NELFB: variants seen among roughly 807,000 people sequenced by gnomAD.
NELFB encodes the protein negative elongation factor complex member B.
NELFB carries 34 observed loss-of-function variants against 60.2 expected under a neutral mutation model. That is an observed-to-expected ratio of 0.56 (90% confidence interval 0.43 to 0.75). The LOEUF (loss-of-function observed/expected upper bound fraction) is 0.75. Ranked by LOEUF, NELFB falls within the 30% of genes least tolerant of loss-of-function variation. The probability of loss-of-function intolerance (pLI) is 0.00; values close to 1 mark genes in which losing one functional copy is unlikely to be tolerated. For synonymous variants in NELFB, 459 were observed against 382.1 expected (o/e 1.20, Z -2.35); for missense variants, 770 against 831.6 (o/e 0.93, Z 0.91).
rs28620856 is a variant in NELFB, at chr9:137,272,529, G to A, written c.1654G>A (p.Ala552Thr). The change falls in exon 12 of 13, where the codon GCG (alanine) becomes ACG (threonine). Residue 552 changes from alanine to threonine, a missense_variant. Physicochemically the swap from Ala to Thr is moderately conservative, Grantham distance 58. Coordinates refer to ENST00000343053, the MANE Select transcript of NELFB (RefSeq NM_015456.5). ...CAGGAAGGAGAACGTGCACCGGCAC[G>A]CGCTGCGGCTCCTCATTCACCTGCA... 2.0e-4 allele frequency: 321 copies of A among 1,612,424 alleles called. 1 individual carries two copies. In the East Asian group the frequency reaches 4.0e-3, roughly 20 times the overall value.
chr9:137,260,541 C>T (rs1237480991), intron 4 of NELFB, among the ~76,000 whole-genome samples: 1 of 150,820 alleles, frequency 6.6e-6, no homozygotes, highest in Non-Finnish European at 1.5e-5. Flanking sequence ...CAACCTCAGT[C>T]TCCCAGGTTC....
At chr9:137,261,015 C>T (rs573744149) in intron 4 of NELFB, among the ~76,000 whole-genome samples, 4 of 149,298 alleles carry the variant, frequency 2.7e-5, no homozygotes, top group African/African-American at 7.4e-5. Flanking sequence ...GCCAAGATTG[C>T]GCCACTGTAC....
chr9:137,268,921 G>A (rs1164677423), intron 10 of NELFB, among the ~76,000 whole-genome samples: 1 of 152,140 alleles, frequency 6.6e-6, no homozygotes, highest in African/African-American at 2.4e-5. Flanking sequence ...AGCTAGAGAT[G>A]AGACACAGAC....
At chr9:137,256,223 C>A in intron 2 of NELFB, 106 bp from the exon 3 acceptor site, 1 of 1,362,878 alleles carries the variant, frequency 7.3e-7, no homozygotes, top group Non-Finnish European at 1.0e-6. Context: ...CCCATGTGTC[C>A]TGGGCGTGGA....
At position 137,255,625 on chromosome 9, in the gene NELFB, C is replaced by CG. The variant is rs2131471607; in HGVS notation, c.246+18dup. The CG allele has an allele frequency of 1.3e-6, 2 of 1,542,320 alleles. No homozygotes were observed. Among genetic ancestry groups the CG allele is most frequent in the South Asian group, 2.4e-5 (2 of 83,390 alleles). On this transcript the variant is annotated intron_variant, in intron 1 of 12. Transcript: ENST00000343053. ...GAGCAGTTCCAGGTGGGGCGGCCCC[C>CG]GGGGCGGGGGGAGCCCAGTTGGAGG...
chr9:137,257,104 GGCTAGC>G (rs753800579), intron 4 of NELFB, 50 bp downstream of exon 4: 75 of 1,507,674 alleles, frequency 5.0e-5, no homozygotes, highest in Non-Finnish European at 3.3e-5. Context: ...GGGATGCCAC[GGCTAGC>G]GCCTTCAGCT....
At chr9:137,259,904 T>A (rs1830409496) in intron 4 of NELFB, among the ~76,000 whole-genome samples, 2 of 149,926 alleles carry the variant, frequency 1.3e-5, no homozygotes, top group African/African-American at 4.9e-5. Context: ...TTTTGTATTT[T>A]TTTTTTTAGT....
At chr9:137,267,202 G>C in intron 9 of NELFB, 38 bp from the exon 10 acceptor site, 1 of 1,511,630 alleles carries the variant, frequency 6.6e-7, no homozygotes, top group Non-Finnish European at 9.2e-7. Context: ...TGGGGCTGAG[G>C]TGGGGCTGAG....
At position 137,263,190 on chromosome 9, in the gene NELFB, G is replaced by A; in HGVS notation, c.895G>A (p.Gly299Ser). ...CATGTCCCTGCACGACCTGGACGTGGGTGAAATCTGCACCGTGGACCCGTG... is the reference window on the plus strand; with the variant it reads ...CATGTCCCTGCACGACCTGGACGTGAGTGAAATCTGCACCGTGGACCCGTG... The change falls in exon 5 of 13, where the codon GGT (glycine) becomes AGT (serine). Residue 299 changes from glycine (G) to serine (S), a missense_variant. Physicochemically the swap from Gly to Ser is moderately conservative, Grantham distance 56. Transcript: ENST00000343053. 1 of 1,613,320 alleles carries A rather than the reference G, an allele frequency of 6.2e-7. No homozygotes were observed. Among genetic ancestry groups the A allele is most frequent in the Non-Finnish European group, 8.5e-7 (1 of 1,179,820 alleles).
At chr9:137,255,864 G>A (rs1164624915) in intron 1 of NELFB, 43 bp from the exon 2 acceptor site, 3 of 1,601,864 alleles carry the variant, frequency 1.9e-6, no homozygotes, top group East Asian at 2.2e-5. Flanking sequence ...CGGGGTGCCC[G>A]GGCGCACTGG....
At chr9:137,261,657 CAAAAAAAA>C (rs56873736) in intron 4 of NELFB, among the ~76,000 whole-genome samples, 44 of 140,252 alleles carry the variant, frequency 3.1e-4, no homozygotes, top group African/African-American at 9.3e-4. Context: ...GACTCCGTCT[CAAAAAAAA>C]AAAAAAAAAA....
Position 137,256,306 on chromosome 9 carries a change from A to G in NELFB, c.411-23A>G, listed in dbSNP as rs550449205. On this transcript the variant is annotated intron_variant, in intron 2 of 12. Coordinates refer to ENST00000343053, the MANE Select transcript of NELFB (RefSeq NM_015456.5). ...CTGCGATTTGGCGCATCGCTGCACC[A>G]TCAATCCTGTGAGTTGTTCCAGGTA... 29 of 1,608,896 alleles carry G rather than the reference A, an allele frequency of 1.8e-5. No homozygotes were observed. The Admixed American group carries it at 1.8e-4, about 10-fold the overall frequency.
intron 10 of NELFB, among the ~76,000 whole-genome samples, chr9:137,268,000 G>A (rs1588189604): frequency 6.6e-6 from 1 of 152,230 alleles, no homozygotes; most frequent in African/African-American, 2.4e-5. Context: ...CCCAGGTGGT[G>A]ACAGGCCCAC....
In NELFB at chr9:137,265,781, G is replaced by C. The variant is rs938439383; in HGVS notation, c.1041-96G>C. 11 of 813,104 alleles carry C rather than the reference G, an allele frequency of 1.4e-5. No homozygotes were observed. In the Admixed American group the frequency reaches 2.0e-4, roughly 15 times the overall value. The allele number at this position is 813,104 out of a possible 1,614,324, so 50.4% of individuals were successfully genotyped here. On this transcript the variant is annotated intron_variant, in intron 6 of 12. Coordinates refer to ENST00000343053, the MANE Select transcript of NELFB (RefSeq NM_015456.5). ...AGCATGTGATGGGCACCCGCTGCCA[G>C]TCCTGAATTCAGCCTAGGCCACCCC... is the stretch of plus-strand genomic sequence containing the variant.
intron 6 of NELFB, among the ~76,000 whole-genome samples, chr9:137,265,639 C>T (rs1489068543): frequency 1.6e-5 from 2 of 124,132 alleles, no homozygotes; most frequent in East Asian, 4.1e-4. Flanking sequence ...CCATCCGCCT[C>T]GGCCTGCCAA....
chr9:137,261,655 C>G (rs1172559939), intron 4 of NELFB, among the ~76,000 whole-genome samples: 7 of 55,622 alleles, frequency 1.3e-4, no homozygotes, highest in Non-Finnish European at 3.3e-4. Context: ...AAGACTCCGT[C>G]TCAAAAAAAA....
rs1399707152 is a variant in NELFB, at chr9:137,264,323, G to T, written c.1006G>T (p.Asp336Tyr). ...GGCGCGGGAGCTGCAGGGGTTTCTC[G>T]ATGGCGTCAAGAAGGGCCAGGAGCA... is the stretch of plus-strand genomic sequence containing the variant. The change falls in exon 6 of 13, where the codon GAT becomes TAT. Residue 336 changes from aspartate (D) to tyrosine (Y), a missense_variant. Asp to Tyr is a radical substitution (Grantham distance 160). Coordinates refer to ENST00000343053, the MANE Select transcript of NELFB (RefSeq NM_015456.5). 4 of 1,600,840 alleles carry T rather than the reference G, an allele frequency of 2.5e-6. No individual in the cohort carries two copies. Among genetic ancestry groups the T allele is most frequent in the Non-Finnish European group, 3.4e-6 (4 of 1,175,162 alleles).
rs757690314 is a variant in NELFB, at chr9:137,269,714, G to C, written c.1490-2367G>C. ...AGTGTGCAGTGGGTGGCACCTTCTGGATTTGTGTCAGTCACTGTGGAGTTC... is the reference window on the plus strand; with the variant it reads ...AGTGTGCAGTGGGTGGCACCTTCTGCATTTGTGTCAGTCACTGTGGAGTTC... On this transcript the variant is annotated intron_variant, in intron 10 of 12. Coordinates refer to ENST00000343053, the MANE Select transcript of NELFB (RefSeq NM_015456.5). The surrounding 1 kb of genome is among the most constrained non-coding windows in gnomAD (Gnocchi z 5.3). Among the ~76,000 whole-genome samples the C allele has an allele frequency of 6.6e-6, 1 of 152,248 alleles. No homozygotes were observed. Among genetic ancestry groups the C allele is most frequent in the Non-Finnish European group, 1.5e-5 (1 of 68,046 alleles).
Position 137,264,233 on chromosome 9 carries a change from T to C in NELFB, c.928-12T>C. ...GGTTTGGGCTGGTCCCGACCGTGCT[T>C]CCTCCTTGCAGTTCACCTGGTGCCT... On this transcript the variant is annotated splice_polypyrimidine_tract_variant and intron_variant, in intron 5 of 12. Transcript: ENST00000343053. 1 of 1,571,714 alleles carries C rather than the reference T, an allele frequency of 6.4e-7. No homozygotes were observed. Among genetic ancestry groups the C allele is most frequent in the Non-Finnish European group, 8.6e-7 (1 of 1,158,846 alleles).
Sources: gnomAD v4.1 joint callset for allele counts (sites outside exome capture counted in the v4.1 genomes callset) on GRCh38, gnomAD v4.1.1 for gene constraint, Gnocchi (gnomAD v3.1) non-coding constraint, MANE v1.5 for transcripts, NCBI Gene and HGNC (gene_info 2026-07-23, HGNC 2026-07-21) for gene names.